The following FAM174B variants were observed in gnomAD, a reference collection of about 807,000 sequenced individuals.
FAM174B encodes family with sequence similarity 174 member B.
FAM174B carries 12 observed loss-of-function variants against 10.9 expected under a neutral mutation model. That is an observed-to-expected ratio of 1.10 (90% CI 0.71 to 1.79). FAM174B has a LOEUF of 1.79. FAM174B is among the 40% of genes most tolerant of loss of function. The pLI, the probability that FAM174B is intolerant of heterozygous loss-of-function variation, is 0.00. For synonymous variants in FAM174B, 132 were observed against 115.8 expected, an observed-to-expected ratio of 1.14 and a Z score of -0.90; for missense variants, 266 against 233.3, an observed-to-expected ratio of 1.14 and a Z score of -0.91.
chr15:92,644,479 G>C (rs1028500862), intron 1 of FAM174B, among the ~76,000 whole-genome samples: 4 of 152,154 alleles, frequency 2.6e-5, no homozygotes, highest in Admixed American at 2.0e-4. Context: ...CAGCAGCCAA[G>C]CTCCAACACC....
At chr15:92,642,160 A>G (rs1475435224) in intron 1 of FAM174B, among the ~76,000 whole-genome samples, 1 of 152,258 alleles carries the variant, frequency 6.6e-6, no homozygotes, top group Non-Finnish European at 1.5e-5. Flanking sequence ...AAGACAGACA[A>G]TAACAAATGT....
At chr15:92,620,939 A>T (rs2050715534) in intron 2 of FAM174B, among the ~76,000 whole-genome samples, 1 of 152,132 alleles carries the variant, frequency 6.6e-6, no homozygotes, top group Non-Finnish European at 1.5e-5. Context: ...GATTATGGGC[A>T]TTATATAATC....
At chr15:92,643,481 A>C (rs899989377) in intron 1 of FAM174B, among the ~76,000 whole-genome samples, 1 of 152,186 alleles carries the variant, frequency 6.6e-6, no homozygotes. Flanking sequence ...TGTGTGGCTA[A>C]AAGGTAAGAA....
intron 1 of FAM174B, among the ~76,000 whole-genome samples, chr15:92,633,567 C>T (rs2050833469): frequency 6.6e-6 from 1 of 152,122 alleles, no homozygotes; most frequent in Non-Finnish European, 1.5e-5. Flanking sequence ...CACACACACG[C>T]ACACACACGG....
Position 92,626,148 on chromosome 15 carries a change from G to C in FAM174B, c.476+4066C>G, listed in dbSNP as rs554522046. Among the ~76,000 whole-genome samples the C allele has an allele frequency of 1.5e-4, 14 of 92,864 alleles. 1 individual carries two copies. The highest frequency in any genetic ancestry group is 2.8e-4 in the Non-Finnish European group (14 of 50,248). 60.9% of individuals were successfully genotyped at this position (92,864 alleles called of 152,430 possible). A position where few individuals can be genotyped will look rare whatever the true frequency, so the allele number is the denominator to read the frequency against. On this transcript the variant is annotated intron_variant, in intron 2 of 2. Coordinates refer to ENST00000327355, the MANE Select transcript of FAM174B (RefSeq NM_207446.3). The stretch of plus-strand genomic sequence containing the variant: ...TTTTTTTTTTTTTGAGACCAGGCCG[G>C]AGTGCACTGGCGCGATCTTGGCTCA...
chr15:92,619,687 C>G, intron 2 of FAM174B: 35 of 597,922 alleles, frequency 5.9e-5, no homozygotes, highest in South Asian at 1.9e-4. Context: ...GCTCCCCACA[C>G]AGACTCCCTA....
intron 1 of FAM174B, among the ~76,000 whole-genome samples, chr15:92,630,717 T>TA (rs199592361): frequency 0.1 from 12,296 of 123,510 alleles, 1,174 homozygotes; most frequent in East Asian, 0.23. Flanking sequence ...TAATTATATA[T>TA]TTTTTATATT....
intron 2 of FAM174B, among the ~76,000 whole-genome samples, chr15:92,620,984 TAC>T (rs1283429405): frequency 2.6e-5 from 4 of 152,126 alleles, no homozygotes; most frequent in African/African-American, 4.8e-5. Context: ...TAATAGAATT[TAC>T]AAAATAATGA....
At chr15:92,623,951 CTTTTCT>C (rs771996797) in intron 2 of FAM174B, among the ~76,000 whole-genome samples, 11 of 152,186 alleles carry the variant, frequency 7.2e-5, no homozygotes, top group Non-Finnish European at 1.2e-4. Flanking sequence ...TTCCTTCCCT[CTTTTCT>C]TTTTCTTTCT....
chr15:92,646,675 C>G (rs1423499792), intron 1 of FAM174B, among the ~76,000 whole-genome samples: 1 of 152,216 alleles, frequency 6.6e-6, no homozygotes, highest in Non-Finnish European at 1.5e-5. Context: ...AATCTATTCT[C>G]TCCAAAGCCT....
chr15:92,655,499 G>A lies in FAM174B; in HGVS notation c.161C>T (p.Thr54Ile). ...CGCCGCCCCAGACCCAAACCGGGTG[G>A]TGTTCCCGGGCCCCGGGCCGGGCGG... Reference protein sequence around the residue: ...RPPPGPGPGNTTRFGSGAAGG... With the variant: ...RPPPGPGPGNITRFGSGAAGG... The change falls in exon 1 of 3, where the codon ACC becomes ATC. Residue 54 changes from threonine to isoleucine, a missense_variant. Physicochemically the swap from Thr to Ile is moderately conservative, Grantham distance 89. Coordinates refer to ENST00000327355, the MANE Select transcript of FAM174B (RefSeq NM_207446.3). 1 of 1,518,044 alleles carries A rather than the reference G, an allele frequency of 6.6e-7. No homozygotes were observed. Among genetic ancestry groups the A allele is most frequent in the South Asian group, 1.2e-5 (1 of 80,654 alleles). 94.0% of individuals were successfully genotyped at this position (1,518,044 alleles called of 1,614,324 possible).
chr15:92,635,122 C>CTCTCTCTCTCTCTCTTTCTCTG lies in FAM174B; in HGVS notation c.345-4778_345-4777insCAGAGAAAGAGAGAGAGAGAGA, dbSNP rs1825134083. Among the ~76,000 whole-genome samples, 3 of 28,478 alleles carry CTCTCTCTCTCTCTCTTTCTCTG rather than the reference C, an allele frequency of 1.1e-4. No individual in the cohort carries two copies. In the Admixed American group the frequency reaches 1.4e-3, roughly 13 times the overall value. The allele number at this position is 28,478 out of a possible 152,430, so 18.7% of individuals were successfully genotyped here. On this transcript the variant is annotated intron_variant, in intron 1 of 2. Transcript: ENST00000327355. ...CCTCTCTCTCTCTCTCTTTCTCTGT[C>CTCTCTCTCTCTCTCTTTCTCTG]TCTCTCTCTCTCTCCTCTCTTTCGC...
At position 92,655,673 on chromosome 15, in the gene FAM174B, G is replaced by A. The variant is rs778841377; in HGVS notation, c.-14C>T. The A allele has an allele frequency of 1.4e-5, 17 of 1,250,754 alleles. No individual in the cohort carries two copies. Among genetic ancestry groups the A allele is most frequent in the African/African-American group, 4.7e-5 (3 of 64,448 alleles). 77.5% of individuals were successfully genotyped at this position (1,250,754 alleles called of 1,614,324 possible). A position where few individuals can be genotyped will look rare whatever the true frequency, so the allele number is the denominator to read the frequency against. On this transcript the variant is annotated 5_prime_UTR_variant, in exon 1 of 3. Coordinates refer to ENST00000327355, the MANE Select transcript of FAM174B (RefSeq NM_207446.3). ...CACGGCGCGCATAGTGCGGTGGGTCGGCACAGGATCGGGCAGGGCGCGCGC... is the reference window on the plus strand; with the variant it reads ...CACGGCGCGCATAGTGCGGTGGGTCAGCACAGGATCGGGCAGGGCGCGCGC...
At chr15:92,623,165 A>C (rs970602119) in intron 2 of FAM174B, among the ~76,000 whole-genome samples, 1 of 151,844 alleles carries the variant, frequency 6.6e-6, no homozygotes, top group Non-Finnish European at 1.5e-5. Flanking sequence ...TCAAAAAAAA[A>C]AAAGAAAAAA....
chr15:92,620,360 T>G (rs1296534570), intron 2 of FAM174B, among the ~76,000 whole-genome samples: 1 of 150,396 alleles, frequency 6.6e-6, no homozygotes, highest in Non-Finnish European at 1.5e-5. Context: ...TAGCCGGGAG[T>G]GGTGGTGGGT....
At chr15:92,639,666 G>C (rs1295877713) in intron 1 of FAM174B, among the ~76,000 whole-genome samples, 1 of 152,148 alleles carries the variant, frequency 6.6e-6, no homozygotes, top group Non-Finnish European at 1.5e-5. Context: ...TTCATGAACG[G>C]TTTGGCACCA....
chr15:92,622,311 C>G lies in FAM174B; in HGVS notation c.477-2852G>C, dbSNP rs919717500. 2.0e-5 allele frequency among the ~76,000 whole-genome samples: 3 copies of G among 152,236 alleles called. No individual in the cohort carries two copies. The South Asian group carries it at 6.2e-4, about 32-fold the overall frequency. On this transcript the variant is annotated intron_variant, in intron 2 of 2. Transcript: ENST00000327355. ...TCGCAGAATCCTTCACGCGCCTCCA[C>G]GGGGAGAAGTCCACCCGCACACACC...
At chr15:92,647,051 C>T (rs1221613442) in intron 1 of FAM174B, among the ~76,000 whole-genome samples, 2 of 152,234 alleles carry the variant, frequency 1.3e-5, no homozygotes, top group Non-Finnish European at 2.9e-5. Context: ...CAGAGCTTGA[C>T]TCTTTTTGTC....
At chr15:92,630,508 C>T (rs1376151783) in intron 1 of FAM174B, among the ~76,000 whole-genome samples, 163 bp from the exon 2 acceptor site, 1 of 151,912 alleles carries the variant, frequency 6.6e-6, no homozygotes, top group Non-Finnish European at 1.5e-5. Flanking sequence ...AACCACACTG[C>T]TGCCTCCAGC....
Sources: gnomAD v4.1 joint callset for allele counts (sites outside exome capture counted in the v4.1 genomes callset) on GRCh38, gnomAD v4.1.1 for gene constraint, MANE v1.5 for transcripts, NCBI Gene and HGNC (gene_info 2026-07-23, HGNC 2026-07-21) for gene names.